The following DTNA variants were observed in gnomAD, a reference collection of about 807,000 sequenced individuals.
DTNA encodes the protein dystrophin-related protein 3.
DTNA carries 43 observed loss-of-function variants against 100.7 expected under a neutral mutation model. The observed-to-expected ratio is 0.43, with a 90% CI of 0.33 to 0.55. The LOEUF is 0.55. Among genes scored for constraint, DTNA ranks in the 20% least tolerant of loss-of-function variants. DTNA has a pLI of 0.04. For synonymous variants in DTNA, 349 were observed against 347.9 expected, an observed-to-expected ratio of 1.00 and a Z score of -0.04; for missense variants, 798 against 953.9, an observed-to-expected ratio of 0.84 and a Z score of 2.15.
chr18:34,685,124 A>T (rs939970970), intron 1 of DTNA, among the ~76,000 whole-genome samples: 1 of 151,920 alleles, frequency 6.6e-6, no homozygotes, highest in Non-Finnish European at 1.5e-5. Flanking sequence ...AGTTTCTTTT[A>T]CTGTGCAGAA....
intron 17 of DTNA, among the ~76,000 whole-genome samples, chr18:34,873,928 T>C (rs1331774022): frequency 1.3e-5 from 2 of 152,186 alleles, no homozygotes; most frequent in African/African-American, 4.8e-5. Flanking sequence ...GACAGACCAT[T>C]ACAAGGTACT....
At chr18:34,873,743 A>G (rs2096788121) in intron 17 of DTNA, among the ~76,000 whole-genome samples, 2 of 152,240 alleles carry the variant, frequency 1.3e-5, no homozygotes, top group South Asian at 4.1e-4. Flanking sequence ...GAAATTATTT[A>G]TTATTGGCAT....
At chr18:34,829,291 G>T in intron 10 of DTNA, 109 bp from the exon 11 acceptor site, 2 of 1,521,016 alleles carry the variant, frequency 1.3e-6, no homozygotes, top group Non-Finnish European at 1.8e-6. Context: ...TTTCTGTTTT[G>T]AGGGTGCTGT....
intron 1 of DTNA, among the ~76,000 whole-genome samples, chr18:34,730,270 G>C (rs2087775249): frequency 6.6e-6 from 1 of 152,204 alleles, no homozygotes. Flanking sequence ...ACAACAGCTT[G>C]AGATTTATTT....
At chr18:34,620,530 A>G (rs942798200) in intron 1 of DTNA, among the ~76,000 whole-genome samples, 1 of 152,234 alleles carries the variant, frequency 6.6e-6, no homozygotes, top group Non-Finnish European at 1.5e-5. Context: ...TGGGTAATGT[A>G]TAAAGGAAAT....
chr18:34,531,584 A>G (rs1189517298), intron 1 of DTNA, among the ~76,000 whole-genome samples: 5 of 152,102 alleles, frequency 3.3e-5, no homozygotes, highest in African/African-American at 1.2e-4. Flanking sequence ...GCTACATTCT[A>G]TGTAAATTAT....
chr18:34,787,605 CT>C (rs1398361440), intron 3 of DTNA, among the ~76,000 whole-genome samples: 1 of 152,176 alleles, frequency 6.6e-6, no homozygotes, highest in Non-Finnish European at 1.5e-5. Context: ...CATTTTAGCA[CT>C]TTTCCTACGG....
At position 34,888,106 on chromosome 18, in the gene DTNA, GC is replaced by G. The variant is rs1355114256; in HGVS notation, c.*373del. 1 of 985,740 alleles carries G rather than the reference GC, an allele frequency of 1.0e-6. No homozygotes were observed. The highest frequency in any genetic ancestry group is 1.2e-6 in the Non-Finnish European group (1 of 829,936). 61.1% of individuals were successfully genotyped at this position (985,740 alleles called of 1,614,324 possible). A position where few individuals can be genotyped will look rare whatever the true frequency, so the allele number is the denominator to read the frequency against. Reference sequence around the variant, plus strand: ...CAAACACAGGCTGAAAACCCATGCTGCTGTTATACACAATGGCAGTATTAAC... The same window carrying G: ...CAAACACAGGCTGAAAACCCATGCTGTGTTATACACAATGGCAGTATTAAC... On this transcript the variant is annotated 3_prime_UTR_variant, in exon 23 of 23. Transcript: ENST00000444659.
At chr18:34,859,470 G>A (rs2096591986) in intron 16 of DTNA, among the ~76,000 whole-genome samples, 1 of 152,132 alleles carries the variant, frequency 6.6e-6, no homozygotes, top group African/African-American at 2.4e-5. Context: ...TGAGGACTTG[G>A]CCCAGGACCA....
chr18:34,532,755 CAT>C (rs200482802), intron 1 of DTNA, among the ~76,000 whole-genome samples: 12 of 98,046 alleles, frequency 1.2e-4, no homozygotes, highest in Admixed American at 9.3e-4. Context: ...ATATTTAAAA[CAT>C]ATATATATAT....
At chr18:34,576,764 T>C (rs969321990) in intron 1 of DTNA, among the ~76,000 whole-genome samples, 1 of 152,082 alleles carries the variant, frequency 6.6e-6, no homozygotes, top group African/African-American at 2.4e-5. Flanking sequence ...CAGCCGTAAA[T>C]TGGTGATATT....
At chr18:34,867,903 G>A (rs1407240442) in intron 17 of DTNA, 1 of 985,226 alleles carries the variant, frequency 1.0e-6, no homozygotes, top group African/African-American at 1.7e-5. Context: ...CAAGGACCAG[G>A]GCCCACGTCA....
chr18:34,770,964 TAGAG>T (rs1462067244), intron 3 of DTNA, among the ~76,000 whole-genome samples: 3 of 151,912 alleles, frequency 2.0e-5, no homozygotes, highest in African/African-American at 7.2e-5. Context: ...GTGTTTTTAG[TAGAG>T]AGAGGGTTTC....
intron 1 of DTNA, among the ~76,000 whole-genome samples, chr18:34,595,283 A>G (rs1399431048): frequency 6.6e-6 from 1 of 152,242 alleles, no homozygotes; most frequent in South Asian, 2.1e-4. Context: ...ACATGTAGGC[A>G]TACCTTTTAT....
intron 1 of DTNA, among the ~76,000 whole-genome samples, chr18:34,580,822 C>A (rs945377863): frequency 6.6e-6 from 1 of 152,146 alleles, no homozygotes; most frequent in African/African-American, 2.4e-5. Context: ...CCTGCCCCAG[C>A]CTGTATCAAC....
chr18:34,641,544 T>C (rs1033932926), intron 1 of DTNA, among the ~76,000 whole-genome samples: 1 of 152,218 alleles, frequency 6.6e-6, no homozygotes, highest in African/African-American at 2.4e-5. Context: ...TTGAATCTTC[T>C]TTTATCCAGG....
chr18:34,498,580 G>A (rs1361093193), intron 1 of DTNA, among the ~76,000 whole-genome samples: 1 of 151,730 alleles, frequency 6.6e-6, no homozygotes, highest in African/African-American at 2.4e-5. Context: ...ATTTAGTCAA[G>A]GAATAATAAA....
chr18:34,646,617 T>C lies in DTNA; in HGVS notation c.-1-109359T>C, dbSNP rs140213276. Among the ~76,000 whole-genome samples the C allele has an allele frequency of 1.5e-3, 231 of 152,360 alleles. 1 individual carries two copies. The highest frequency in any genetic ancestry group is 5.4e-3 in the African/African-American group (226 of 41,590). ...GAAGTACCAAATACAGTGCTACAAA[T>C]TTTTTAAAGCACAGACCACGTATTC... is the stretch of plus-strand genomic sequence containing the variant. On this transcript the variant is annotated intron_variant, in intron 1 of 19. Coordinates refer to the DTNA transcript ENST00000283365.
intron 1 of DTNA, among the ~76,000 whole-genome samples, chr18:34,581,246 TCAAAACAAAA>T (rs10671354): frequency 8.3e-5 from 12 of 144,904 alleles, no homozygotes; most frequent in Middle Eastern, 6.9e-3. Context: ...AGATTGGGTC[TCAAAACAAAA>T]CAAAACAAAA....
Sources: allele counts gnomAD v4.1 joint callset (sites outside exome capture counted in the v4.1 genomes callset), GRCh38; gene constraint gnomAD v4.1.1; transcripts MANE v1.5; gene names NCBI Gene and HGNC (gene_info 2026-07-23, HGNC 2026-07-21).